Variants in ATG16L1 observed in about 807,000 individuals in gnomAD.
The protein encoded by ATG16L1 is autophagy-related protein 16-1.
ATG16L1 carries 37 observed loss-of-function variants against 88.5 expected under a neutral mutation model. The ratio of observed to expected loss-of-function variants is 0.42; its 90% CI spans 0.32 to 0.55. ATG16L1 has a LOEUF of 0.55. ATG16L1 is among the 20% of genes least tolerant of loss of function. The pLI, the probability that ATG16L1 is intolerant of heterozygous loss-of-function variation, is 0.13. For synonymous variants in ATG16L1, 301 were observed against 281.0 expected (o/e 1.07, Z -0.71); for missense variants, 554 against 752.8 (o/e 0.74, Z 3.09).
At chr2:233,259,472 T>C (rs187253228) in intron 2 of ATG16L1, among the ~76,000 whole-genome samples, 11 of 152,278 alleles carry the variant, frequency 7.2e-5, no homozygotes, top group African/African-American at 2.6e-4. Flanking sequence ...CACCAGTTAT[T>C]GTAGTGAGCC....
At chr2:233,283,080 G>T in intron 12 of ATG16L1, 1 of 256,066 alleles carries the variant, frequency 3.9e-6, no homozygotes, top group Non-Finnish European at 7.8e-6. Context: ...TGATTCCTGT[G>T]GGCTCTAAAA....
At chr2:233,280,999 T>G (rs2125269879) in intron 10 of ATG16L1, 106 bp from the exon 11 acceptor site, 1 of 656,326 alleles carries the variant, frequency 1.5e-6, no homozygotes, top group African/African-American at 1.8e-5. Flanking sequence ...GGATAGCTAT[T>G]GTTTTAGCAG....
At chr2:233,267,387 T>A (rs918575972) in intron 5 of ATG16L1, among the ~76,000 whole-genome samples, 35 of 152,228 alleles carry the variant, frequency 2.3e-4, no homozygotes, top group African/African-American at 7.5e-4. Context: ...CTGTGGAAAA[T>A]GCCTAAAATT....
chr2:233,289,999 T>C (rs1699356058), intron 13 of ATG16L1, 25 bp downstream of exon 13: 2 of 1,611,720 alleles, frequency 1.2e-6, no homozygotes, highest in Non-Finnish European at 1.7e-6. Context: ...TCTCTCTGTC[T>C]GTGTATATGC....
chr2:233,277,037 AAAG>A (rs1698420659), intron 9 of ATG16L1: 3 of 152,598 alleles, frequency 2.0e-5, no homozygotes, highest in Admixed American at 2.0e-4. Flanking sequence ...ATGTTTCCAG[AAAG>A]AACTACATAG....
chr2:233,264,062 C>T lies in ATG16L1; in HGVS notation c.386C>T (p.Ala129Val). 1 of 1,613,964 alleles carries T rather than the reference C, an allele frequency of 6.2e-7. No individual in the cohort carries two copies. The part of the protein sequence containing the change: ...RKDREMQMNE[A>V]KIAECLQTIS... ...GACAGGGAGATGCAGATGAATGAAG[C>T]AAAGTGAGTAGAGACCCCGCCTCCT... Residue 129 changes from alanine (A) to valine (V), a missense_variant, in exon 4 of 18, where the codon GCA becomes GTA. Physicochemically the swap from Ala to Val is moderately conservative, Grantham distance 64. Around this residue, in one of 5 missense-constraint regions of ATG16L1, gnomAD observed 50 missense variants for 49.4 expected, o/e 1.01. Coordinates refer to ENST00000392017, the MANE Select transcript of ATG16L1 (RefSeq NM_030803.7).
intron 6 of ATG16L1, 31 bp downstream of exon 6, chr2:233,270,098 T>C: frequency 6.5e-7 from 1 of 1,539,492 alleles, no homozygotes; most frequent in African/African-American, 1.4e-5. Context: ...CAAAACTGTG[T>C]TTCTGAAAAT....
rs57141358 is a variant in ATG16L1 at position 233,258,001 on chromosome 2, C to CAA, written c.209+1821_209+1822dup. Among the ~76,000 whole-genome samples the CAA allele has an allele frequency of 4.8e-3, 426 of 88,792 alleles. 4 individuals carry two copies. Among genetic ancestry groups the CAA allele is most frequent in the African/African-American group, 0.013 (381 of 29,728 alleles). 58.3% of individuals were successfully genotyped at this position (88,792 alleles called of 152,430 possible). ...TGGGTGACAGAGCGAGACTCCGTCT[C>CAA]AAAAAAAAAAAAAAAATATCTATAT... On this transcript the variant is annotated intron_variant, in intron 2 of 17. Transcript: ENST00000392017.
intron 2 of ATG16L1, among the ~76,000 whole-genome samples, chr2:233,257,291 A>G (rs1696860074): frequency 6.6e-6 from 1 of 152,138 alleles, no homozygotes; most frequent in African/African-American, 2.4e-5. Flanking sequence ...GGCCTCCCAG[A>G]GAGGTGGGAT....
chr2:233,256,523 G>GT lies in ATG16L1; in HGVS notation c.209+329dup, dbSNP rs531882305. 1.6e-4 allele frequency among the ~76,000 whole-genome samples: 25 copies of GT among 152,120 alleles called. No individual in the cohort carries two copies. In the South Asian group the frequency reaches 5.2e-3, roughly 32 times the overall value. The stretch of plus-strand genomic sequence containing the variant: ...TTTGTTTTTAAATAATCACAGACAA[G>GT]TATTTCTGAGCGGGTTTGTGTAGAT... On this transcript the variant is annotated intron_variant, in intron 2 of 17. Coordinates refer to ENST00000392017, the MANE Select transcript of ATG16L1 (RefSeq NM_030803.7).
In ATG16L1 at chr2:233,256,693, C is replaced by CT. The variant is rs1175941099; in HGVS notation, c.209+512dup. On this transcript the variant is annotated intron_variant, in intron 2 of 17. Transcript: ENST00000392017. Reference sequence around the variant, plus strand: ...GGTTCGACTTATAATTTTTCTTTTTCTTTTTTTTTTTTTTCTTTTTTGAGA... The same window carrying CT: ...GGTTCGACTTATAATTTTTCTTTTTCTTTTTTTTTTTTTTTCTTTTTTGAGA... Among the ~76,000 whole-genome samples the CT allele has an allele frequency of 8.3e-3, 1,165 of 140,390 alleles. 5 individuals are homozygous for CT. Among genetic ancestry groups the CT allele is most frequent in the Middle Eastern group, 0.015 (4 of 268 alleles). 92.1% of individuals were successfully genotyped at this position (140,390 alleles called of 152,430 possible). A position where few individuals can be genotyped will look rare whatever the true frequency, so the allele number is the denominator to read the frequency against.
rs1394754461 is a variant in ATG16L1, at chr2:233,256,094, T to C, written c.116-8T>C. 3 of 1,611,136 alleles carry C rather than the reference T, an allele frequency of 1.9e-6. No individual in the cohort carries two copies. The highest frequency in any genetic ancestry group is 2.5e-6 in the Non-Finnish European group (3 of 1,177,456). Reference sequence around the variant, plus strand: ...ATAACTTAGTTTCTGACTTTTTTATTTTAATAGATAACAAATTGCTGGAAA... The same window carrying C: ...ATAACTTAGTTTCTGACTTTTTTATCTTAATAGATAACAAATTGCTGGAAA... On this transcript the variant is annotated splice_polypyrimidine_tract_variant and splice_region_variant and intron_variant, in intron 1 of 17. Coordinates refer to ENST00000392017, the MANE Select transcript of ATG16L1 (RefSeq NM_030803.7).
At chr2:233,264,450 C>T (rs1057342322) in intron 4 of ATG16L1, among the ~76,000 whole-genome samples, 3 of 152,092 alleles carry the variant, frequency 2.0e-5, no homozygotes, top group African/African-American at 7.2e-5. Flanking sequence ...TGTTGCTGAC[C>T]AGGGAGAAGC....
At chr2:233,273,979 C>A (rs780101797) in intron 8 of ATG16L1, 1 of 1,551,508 alleles carries the variant, frequency 6.4e-7, no homozygotes, top group Non-Finnish European at 8.7e-7. Context: ...GATCTCTGGC[C>A]TTTCCCTTTA....
chr2:233,262,308 T>G (rs1020612998), intron 2 of ATG16L1, among the ~76,000 whole-genome samples: 1 of 152,204 alleles, frequency 6.6e-6, no homozygotes, highest in Non-Finnish European at 1.5e-5. Context: ...TGCTGGCTGG[T>G]CTTCCTGTTT....
intron 8 of ATG16L1, chr2:233,274,203 G>A: frequency 1.4e-6 from 1 of 708,752 alleles, no homozygotes; most frequent in Non-Finnish European, 2.4e-6. Flanking sequence ...GGGCTGCCAG[G>A]TTGAACACTT....
At chr2:233,278,700 T>C (rs1698536973) in intron 10 of ATG16L1, among the ~76,000 whole-genome samples, 2 of 152,162 alleles carry the variant, frequency 1.3e-5, no homozygotes, top group South Asian at 4.1e-4. Flanking sequence ...ATCTTAGGGG[T>C]ACTGCTTTTA....
At chr2:233,288,337 A>AGT (rs1559411215) in intron 12 of ATG16L1, among the ~76,000 whole-genome samples, 1 of 152,218 alleles carries the variant, frequency 6.6e-6, no homozygotes, top group Non-Finnish European at 1.5e-5. Context: ...TTTGGAGTGC[A>AGT]GTGGCATGAT....
intron 2 of ATG16L1, among the ~76,000 whole-genome samples, chr2:233,260,491 C>T (rs561153683): frequency 6.6e-6 from 1 of 152,328 alleles, no homozygotes; most frequent in East Asian, 1.9e-4. Context: ...ATCACCAGAG[C>T]GCAGAAAGTC....
Sources: allele counts gnomAD v4.1 joint callset (sites outside exome capture counted in the v4.1 genomes callset), GRCh38; gene constraint gnomAD v4.1.1; regional missense constraint gnomAD v4.1.1; transcripts MANE v1.5; gene names NCBI Gene and HGNC (gene_info 2026-07-23, HGNC 2026-07-21).